Variants in STT3B observed in about 807,000 individuals in gnomAD.
The protein encoded by STT3B is dolichyl-diphosphooligosaccharide--protein glycosyltransferase subunit STT3B.
In STT3B, 29 loss-of-function variants were observed where a neutral mutation model predicts 96.8. The ratio of observed to expected loss-of-function variants is 0.30; its 90% CI spans 0.22 to 0.41. STT3B has a LOEUF of 0.41. STT3B is among the 10% of genes least tolerant of loss of function. The probability of loss-of-function intolerance (pLI) is 1.00; values close to 1 mark genes in which losing one functional copy is unlikely to be tolerated. For missense variants in STT3B, 640 were observed against 1,022.3 expected (o/e 0.63, Z 5.10); for synonymous variants, 367 against 360.0 (o/e 1.02, Z -0.22).
chr3:31,575,527 T>C (rs1698245721), intron 1 of STT3B, among the ~76,000 whole-genome samples: 1 of 152,096 alleles, frequency 6.6e-6, no homozygotes, highest in Non-Finnish European at 1.5e-5. Flanking sequence ...CTACAAAGCT[T>C]GCATCTAGTG....
intron 1 of STT3B, among the ~76,000 whole-genome samples, chr3:31,552,335 C>A (rs1697581951): frequency 6.6e-6 from 1 of 152,104 alleles, no homozygotes; most frequent in Non-Finnish European, 1.5e-5. Context: ...GTAGTGTGAA[C>A]CCAAATAGAC....
rs750189081 is a variant in STT3B, at chr3:31,622,264, A to G, written c.1495A>G (p.Ser499Gly). ...GGAAAATCCACCTGTGGAGGACAGC[A>G]GTGATGAGGATGACAAAAGAAACCA... ...KRENPPVEDS[S>G]DEDDKRNQGN... The change falls in exon 10 of 16, where the codon AGT (serine) becomes GGT (glycine). Residue 499 changes from serine (S) to glycine (G), a missense_variant. Ser to Gly is a moderately conservative substitution (Grantham distance 56). This residue lies in a region of STT3B where 149 missense variants were observed against 250.2 expected (regional missense o/e 0.60). Transcript: ENST00000295770. The G allele has an allele frequency of 2.5e-6, 4 of 1,614,172 alleles. No homozygotes were observed. Among genetic ancestry groups the G allele is most frequent in the Non-Finnish European group, 3.4e-6 (4 of 1,179,986 alleles).
chr3:31,632,434 C>A (rs1699683094), intron 14 of STT3B, among the ~76,000 whole-genome samples: 1 of 152,068 alleles, frequency 6.6e-6, no homozygotes, highest in Non-Finnish European at 1.5e-5. Context: ...GGTAAAAGAA[C>A]AAGATGCTAT....
chr3:31,633,975 CTT>C (rs1261660041), intron 15 of STT3B, among the ~76,000 whole-genome samples: 1 of 152,044 alleles, frequency 6.6e-6, no homozygotes, highest in African/African-American at 2.4e-5. Flanking sequence ...TGTCTTAACT[CTT>C]TGTTACTTAA....
At chr3:31,541,575 T>G (rs576350695) in intron 1 of STT3B, among the ~76,000 whole-genome samples, 3 of 151,930 alleles carry the variant, frequency 2.0e-5, no homozygotes, top group South Asian at 2.1e-4. Context: ...GCAATAATTT[T>G]TTTGTTTGTT....
intron 1 of STT3B, among the ~76,000 whole-genome samples, chr3:31,552,643 C>G (rs531786126): frequency 6.6e-6 from 1 of 152,252 alleles, no homozygotes; most frequent in South Asian, 2.1e-4. Flanking sequence ...CTCAAGAACA[C>G]TTCTCCTCTT....
intron 1 of STT3B, among the ~76,000 whole-genome samples, chr3:31,567,346 T>G (rs1450142116): frequency 6.6e-6 from 1 of 152,240 alleles, no homozygotes; most frequent in Non-Finnish European, 1.5e-5. Context: ...CTCCCTTTTC[T>G]TATTTTCTTT....
In STT3B at chr3:31,617,942, T is replaced by C. The variant is rs1459883256; in HGVS notation, c.1126T>C (p.Tyr376His). ...TCATCCATGTTTTTCCTTCCAAGGTTACATTGCACCATGGAGTGGCAGGTT... is the reference window on the plus strand; with the variant it reads ...TCATCCATGTTTTTCCTTCCAAGGTCACATTGCACCATGGAGTGGCAGGTT... Reference protein sequence around the residue: ...LSVIYLTYTGYIAPWSGRFYS... With the variant: ...LSVIYLTYTGHIAPWSGRFYS... The change falls in exon 8 of 16, where the codon TAC (tyrosine) becomes CAC (histidine). Residue 376 changes from tyrosine (Y) to histidine (H), a missense_variant and splice_region_variant. Around this residue, in one of 8 missense-constraint regions of STT3B, gnomAD observed 9 missense variants for 50.4 expected, o/e 0.18. Coordinates refer to ENST00000295770, the MANE Select transcript of STT3B (RefSeq NM_178862.3). 1 of 1,601,796 alleles carries C rather than the reference T, an allele frequency of 6.2e-7. No individual in the cohort carries two copies. Among genetic ancestry groups the C allele is most frequent in the Non-Finnish European group, 8.6e-7 (1 of 1,169,432 alleles).
chr3:31,627,500 C>T (rs1235576550), intron 13 of STT3B, among the ~76,000 whole-genome samples: 2 of 152,098 alleles, frequency 1.3e-5, no homozygotes, highest in Non-Finnish European at 2.9e-5. Flanking sequence ...AAATTGTGAG[C>T]TTTTAGAAGA....
intron 1 of STT3B, among the ~76,000 whole-genome samples, chr3:31,539,690 CG>C (rs1697208586): frequency 6.6e-6 from 1 of 151,972 alleles, no homozygotes; most frequent in Admixed American, 6.6e-5. Context: ...TTTGATGGAG[CG>C]AAGAGATGAG....
chr3:31,541,598 A>T (rs1263155962), intron 1 of STT3B, among the ~76,000 whole-genome samples: 11 of 150,882 alleles, frequency 7.3e-5, no homozygotes, highest in Admixed American at 7.3e-4. Flanking sequence ...TTTGTTTTAG[A>T]TGGAGTTTCT....
At chr3:31,584,307 G>T (rs72856016) in intron 3 of STT3B, among the ~76,000 whole-genome samples, 2 of 152,080 alleles carry the variant, frequency 1.3e-5, no homozygotes, top group African/African-American at 4.8e-5. Flanking sequence ...TGCCACTACC[G>T]CACAGTTTTG....
At chr3:31,537,327 C>T (rs1372211475) in intron 1 of STT3B, among the ~76,000 whole-genome samples, 1 of 152,202 alleles carries the variant, frequency 6.6e-6, no homozygotes, top group Non-Finnish European at 1.5e-5. Context: ...GACCTCAGTT[C>T]TGAAGAAGAC....
At chr3:31,613,326 A>G (rs1699227090) in intron 5 of STT3B, among the ~76,000 whole-genome samples, 1 of 152,160 alleles carries the variant, frequency 6.6e-6, no homozygotes, top group Non-Finnish European at 1.5e-5. Context: ...ACTTAGAAGA[A>G]AGAAATCCAG....
At chr3:31,586,974 A>G (rs1484151315) in intron 3 of STT3B, among the ~76,000 whole-genome samples, 1 of 152,072 alleles carries the variant, frequency 6.6e-6, no homozygotes, top group East Asian at 1.9e-4. Context: ...TGTTATCTTA[A>G]TATGTAGTCT....
At chr3:31,548,609 C>G (rs1223931903) in intron 1 of STT3B, among the ~76,000 whole-genome samples, 1 of 152,084 alleles carries the variant, frequency 6.6e-6, no homozygotes, top group Non-Finnish European at 1.5e-5. Context: ...TCAGTATTGA[C>G]CACCTCTCCT....
intron 8 of STT3B, among the ~76,000 whole-genome samples, chr3:31,618,473 C>A (rs573553256): frequency 2.7e-5 from 4 of 150,098 alleles, no homozygotes; most frequent in African/African-American, 9.8e-5. Context: ...TTTTAAAGTG[C>A]TGTTATAAAA....
At chr3:31,628,861 T>C (rs1699591969) in intron 13 of STT3B, among the ~76,000 whole-genome samples, 1 of 152,142 alleles carries the variant, frequency 6.6e-6, no homozygotes, top group Non-Finnish European at 1.5e-5. Flanking sequence ...AAGTCTGTAA[T>C]CCTAGCATTT....
rs981169908 is a variant in STT3B at position 31,633,166 on chromosome 3, C to T, written c.2400+19C>T. ...AAAGAAGGTGGGTGCCAAGTGAAGG[C>T]ATTAAAGGGTAACTTAAGGTGTGTT... On this transcript the variant is annotated intron_variant, in intron 15 of 15. Coordinates refer to ENST00000295770, the MANE Select transcript of STT3B (RefSeq NM_178862.3). 6.2e-7 allele frequency: 1 copy of T among 1,604,128 alleles called. No individual in the cohort carries two copies. Among genetic ancestry groups the T allele is most frequent in the Non-Finnish European group, 8.5e-7 (1 of 1,173,716 alleles).
Sources: gnomAD v4.1 joint callset for allele counts (sites outside exome capture counted in the v4.1 genomes callset) on GRCh38, gnomAD v4.1.1 for gene constraint, gnomAD v4.1.1 regional missense constraint, MANE v1.5 for transcripts, NCBI Gene and HGNC (gene_info 2026-07-23, HGNC 2026-07-21) for gene names.